Variants in CACNA1A observed in about 807,000 individuals in gnomAD.
CACNA1A encodes the protein calcium voltage-gated channel subunit alpha1 A, also known as voltage-dependent P/Q-type calcium channel subunit alpha-1A.
In CACNA1A, 57 loss-of-function variants were observed where a neutral mutation model predicts 262.4. The ratio of observed to expected loss-of-function variants is 0.22; its 90% CI spans 0.18 to 0.27. The LOEUF (loss-of-function observed/expected upper bound fraction) is 0.27, where lower values mean the gene tolerates loss of function less well. Ranked by LOEUF, CACNA1A falls within the 10% of genes least tolerant of loss-of-function variation. CACNA1A has a pLI of 1.00. For synonymous variants in CACNA1A, 1,431 were observed against 1,419.3 expected, an observed-to-expected ratio of 1.01 and a Z score of -0.18; for missense variants, 2,526 against 3,562.8, an observed-to-expected ratio of 0.71 and a Z score of 7.41.
At chr19:13,368,955 G>A (rs1238080865) in intron 4 of CACNA1A, among the ~76,000 whole-genome samples, 2 of 133,336 alleles carry the variant, frequency 1.5e-5, no homozygotes, top group Admixed American at 1.5e-4. Context: ...GGAGAATGGC[G>A]TGAACCCGGG....
chr19:13,390,644 T>C (rs916755994), intron 3 of CACNA1A, among the ~76,000 whole-genome samples: 2 of 152,190 alleles, frequency 1.3e-5, no homozygotes, highest in Non-Finnish European at 2.9e-5. Context: ...AGTTAGAAGT[T>C]AACCCCTGAT....
intron 3 of CACNA1A, among the ~76,000 whole-genome samples, chr19:13,388,183 C>T (rs1229886277): frequency 6.7e-6 from 1 of 150,204 alleles, no homozygotes; most frequent in Non-Finnish European, 1.5e-5. Flanking sequence ...GAGTGATCCT[C>T]TTCAAGTTCA....
chr19:13,278,965 G>A (rs1490841576), intron 22 of CACNA1A, among the ~76,000 whole-genome samples: 5 of 152,090 alleles, frequency 3.3e-5, no homozygotes, highest in Admixed American at 6.6e-5. Context: ...AGTATTTCAG[G>A]TGCACGAGGC....
intron 6 of CACNA1A, among the ~76,000 whole-genome samples, chr19:13,356,520 C>A (rs969674270): frequency 6.6e-6 from 1 of 152,134 alleles, no homozygotes; most frequent in African/African-American, 2.4e-5. Flanking sequence ...AGGGAAACAC[C>A]CATTGGACAA....
chr19:13,238,308 A>G (rs1465090818), intron 31 of CACNA1A, among the ~76,000 whole-genome samples: 1 of 152,098 alleles, frequency 6.6e-6, no homozygotes, highest in East Asian at 1.9e-4. Flanking sequence ...GGGGTGGGAC[A>G]CAGCCCCTGG....
At chr19:13,360,813 A>G (rs2059097970) in intron 5 of CACNA1A, among the ~76,000 whole-genome samples, 1 of 152,128 alleles carries the variant, frequency 6.6e-6, no homozygotes, top group South Asian at 2.1e-4. Flanking sequence ...ACATCATATC[A>G]TTTCATCCAT....
Position 13,308,718 on chromosome 19 carries a change from C to T in CACNA1A, c.1669-190G>A. The T allele has an allele frequency of 1.9e-6, 1 of 515,930 alleles. No individual in the cohort carries two copies. Among genetic ancestry groups the T allele is most frequent in the Non-Finnish European group, 3.4e-6 (1 of 291,058 alleles). 32.0% of individuals were successfully genotyped at this position (515,930 alleles called of 1,614,324 possible). On this transcript the variant is annotated intron_variant, in intron 12 of 46. Coordinates refer to ENST00000360228, the MANE Select transcript of CACNA1A (RefSeq NM_001127222.2). The surrounding 1 kb of genome is among the most constrained non-coding windows in gnomAD (Gnocchi z 4.2). ...TAGAGACCGGGTCTCACTGTGTCACCCAGGCTGGAGTGCAGTGGCGCAATC... is the reference window on the plus strand; with the variant it reads ...TAGAGACCGGGTCTCACTGTGTCACTCAGGCTGGAGTGCAGTGGCGCAATC...
chr19:13,394,480 T>C (rs2059775575), intron 3 of CACNA1A, among the ~76,000 whole-genome samples: 1 of 152,134 alleles, frequency 6.6e-6, no homozygotes, highest in African/African-American at 2.4e-5. Context: ...AGGGTTGGGG[T>C]GAATTTAATA....
intron 33 of CACNA1A, 54 bp from the exon 34 acceptor site, chr19:13,235,090 G>A: frequency 3.9e-6 from 6 of 1,551,402 alleles, no homozygotes; most frequent in Non-Finnish European, 5.3e-6. Flanking sequence ...GTGGCTTCTG[G>A]GAAACCCAGC....
chr19:13,375,967 T>A (rs368746976), intron 3 of CACNA1A, among the ~76,000 whole-genome samples: 6 of 152,036 alleles, frequency 3.9e-5, no homozygotes, highest in African/African-American at 1.4e-4. Context: ...GGATAGAAGA[T>A]CAAACCAGCC....
chr19:13,295,321 A>C (rs1342811045), intron 19 of CACNA1A, among the ~76,000 whole-genome samples: 2 of 152,170 alleles, frequency 1.3e-5, no homozygotes, highest in Non-Finnish European at 2.9e-5. Context: ...CACTTAGAGA[A>C]TGGTAGGCAG....
intron 1 of CACNA1A, among the ~76,000 whole-genome samples, chr19:13,476,391 T>C (rs1015828162): frequency 2.6e-5 from 4 of 152,198 alleles, no homozygotes; most frequent in African/African-American, 4.8e-5. Context: ...CTCACCATCA[T>C]TGCCAACTCA....
intron 4 of CACNA1A, among the ~76,000 whole-genome samples, chr19:13,369,813 A>G (rs1263924448): frequency 6.6e-6 from 1 of 151,916 alleles, no homozygotes; most frequent in African/African-American, 2.4e-5. Flanking sequence ...TCTTTTGACT[A>G]TTAGATTTGG....
chr19:13,354,196 C>T (rs950605353), intron 6 of CACNA1A, among the ~76,000 whole-genome samples: 7 of 152,308 alleles, frequency 4.6e-5, no homozygotes, highest in African/African-American at 1.4e-4. Context: ...GAAGCCTCTG[C>T]GGTACACCTG....
intron 1 of CACNA1A, among the ~76,000 whole-genome samples, chr19:13,494,375 G>C (rs1020940017): frequency 6.6e-6 from 1 of 152,224 alleles, no homozygotes; most frequent in African/African-American, 2.4e-5. Flanking sequence ...TGAAGAGAAG[G>C]AGTTAGCCAT....
Position 13,506,228 on chromosome 19 carries a change from G to A in CACNA1A, c.-4C>T. ...TCTCGTCTCCGAAGCGGGCCATTCT[G>A]CAAAGAGCAAAGGGCTCCGGGTTAC... On this transcript the variant is annotated 5_prime_UTR_variant, in exon 1 of 47. Transcript: ENST00000360228. The A allele has an allele frequency of 6.8e-7, 1 of 1,470,516 alleles. No homozygotes were observed. Among genetic ancestry groups the A allele is most frequent in the Non-Finnish European group, 8.9e-7 (1 of 1,120,274 alleles). The allele number at this position is 1,470,516 out of a possible 1,614,324, so 91.1% of individuals were successfully genotyped here.
chr19:13,245,907 A>G (rs1377191789), intron 30 of CACNA1A, among the ~76,000 whole-genome samples: 3 of 152,194 alleles, frequency 2.0e-5, no homozygotes, highest in Admixed American at 2.0e-4. Context: ...TCTGACCTCA[A>G]GTGATCTGCT....
At chr19:13,379,033 T>G (rs567614172) in intron 3 of CACNA1A, among the ~76,000 whole-genome samples, 2 of 149,396 alleles carry the variant, frequency 1.3e-5, no homozygotes, top group Non-Finnish European at 3.0e-5. Context: ...CAGGCTAGAG[T>G]GCAGTGGTGT....
chr19:13,495,144 A>G (rs972133231), intron 1 of CACNA1A, among the ~76,000 whole-genome samples: 3 of 152,212 alleles, frequency 2.0e-5, no homozygotes, highest in African/African-American at 4.8e-5. Flanking sequence ...TCTTTGTTCA[A>G]TAACACTGTT....
Sources: gnomAD v4.1 joint callset for allele counts (sites outside exome capture counted in the v4.1 genomes callset) on GRCh38, gnomAD v4.1.1 for gene constraint, Gnocchi (gnomAD v3.1) non-coding constraint, MANE v1.5 for transcripts, NCBI Gene and HGNC (gene_info 2026-07-23, HGNC 2026-07-21) for gene names.